The following TIAM2 variants were observed in gnomAD, a reference collection of about 807,000 sequenced individuals.
TIAM2 encodes the protein TIAM Rac1 associated GEF 2, also known as rho guanine nucleotide exchange factor TIAM2.
Under a neutral mutation model 152.9 loss-of-function variants are expected in TIAM2, and 80 were observed. That is an observed-to-expected ratio of 0.52 (90% confidence interval 0.44 to 0.63). The LOEUF (loss-of-function observed/expected upper bound fraction) is 0.63, where lower values mean the gene tolerates loss of function less well. Ranked by LOEUF, TIAM2 falls within the 30% of genes least tolerant of loss-of-function variation. TIAM2 has a pLI of 0.00. For missense variants in TIAM2, 1,965 were observed against 2,120.1 expected (o/e 0.93, Z 1.44); for synonymous variants, 804 against 838.0 (o/e 0.96, Z 0.70).
chr6:155,060,764 G>A (rs923522788), intron 1 of TIAM2, among the ~76,000 whole-genome samples: 12 of 151,980 alleles, frequency 7.9e-5, no homozygotes, highest in African/African-American at 2.7e-4. Flanking sequence ...GTGTGGTGGC[G>A]CATGCCTGTT....
chr6:155,058,346 GT>G (rs1310802977), intron 1 of TIAM2, among the ~76,000 whole-genome samples: 1 of 152,176 alleles, frequency 6.6e-6, no homozygotes, highest in Non-Finnish European at 1.5e-5. Context: ...TTAGTATATG[GT>G]TAGTTCCCCA....
chr6:155,211,171 A>C, intron 14 of TIAM2, 33 bp from the exon 15 acceptor site: 2 of 1,598,242 alleles, frequency 1.3e-6, no homozygotes, highest in Non-Finnish European at 1.7e-6. Flanking sequence ...CAAATGGCCA[A>C]ACTCATATAT....
chr6:155,194,425 G>C (rs1416764728), intron 14 of TIAM2, among the ~76,000 whole-genome samples: 3 of 152,170 alleles, frequency 2.0e-5, no homozygotes, highest in Non-Finnish European at 4.4e-5. Flanking sequence ...GTGCCAGCCA[G>C]GGAAGGGCAT....
chr6:155,097,914 T>C (rs111711999), intron 2 of TIAM2, among the ~76,000 whole-genome samples: 3,573 of 152,324 alleles, frequency 0.023, 157 homozygotes, highest in African/African-American at 0.082. Context: ...GAAGAGACTG[T>C]CCTTTCCCCA....
chr6:155,245,754 A>AGTTT, intron 19 of TIAM2, 23 bp downstream of exon 19: 1 of 562,928 alleles, frequency 1.8e-6, no homozygotes, highest in Non-Finnish European at 2.5e-6. Flanking sequence ...TGCCTTTTAT[A>AGTTT]GTTTTTTTTT....
chr6:155,245,715 G>C lies in TIAM2; in HGVS notation c.3636G>C (p.Gln1212His). The change falls in exon 19 of 27, where the codon CAG (glutamine) becomes CAC (histidine). Residue 1212 changes from glutamine (Q) to histidine (H), a missense_variant. Around this residue, in one of 3 missense-constraint regions of TIAM2, gnomAD observed 935 missense variants for 980.0 expected, o/e 0.95. Transcript: ENST00000682666. ...SGFCANHIKV[Q>H]KVLERAKTDK... The stretch of plus-strand genomic sequence containing the variant: ...TCTGTGCTAACCATATCAAAGTACA[G>C]AAGGTTCTGGAGCGAGGTAAGTTGC... The C allele has an allele frequency of 6.3e-7, 1 of 1,596,232 alleles. No individual in the cohort carries two copies. The highest frequency in any genetic ancestry group is 8.6e-7 in the Non-Finnish European group (1 of 1,167,144).
chr6:155,164,454 G>A lies in TIAM2; in HGVS notation c.2068G>A (p.Asp690Asn). ...GCAGAATCTTGAGAAATTTCACATGGATCTGTTCAGGATGCGCTGCTATCT... is the reference window on the plus strand; with the variant it reads ...GCAGAATCTTGAGAAATTTCACATGAATCTGTTCAGGATGCGCTGCTATCT... ...WEQNLEKFHMDLFRMRCYLAS... is the reference protein window; with the variant it reads ...WEQNLEKFHMNLFRMRCYLAS... The change falls in exon 8 of 27, where the codon GAT becomes AAT. Residue 690 changes from aspartate to asparagine, a missense_variant. By Grantham distance (23) the Asp-to-Asn change is conservative. This residue lies in a region of TIAM2 where 1,025 missense variants were observed against 1,119.4 expected (regional missense o/e 0.92). Transcript: ENST00000682666. 1 of 1,609,624 alleles carries A rather than the reference G, an allele frequency of 6.2e-7. No individual in the cohort carries two copies. The highest frequency in any genetic ancestry group is 8.5e-7 in the Non-Finnish European group (1 of 1,176,630).
intron 15 of TIAM2, among the ~76,000 whole-genome samples, chr6:155,226,409 C>G (rs1174751106): frequency 1.3e-5 from 2 of 152,176 alleles, no homozygotes; most frequent in Non-Finnish European, 2.9e-5. Flanking sequence ...GTGGCTCACG[C>G]CTGTAATCCC....
intron 1 of TIAM2, among the ~76,000 whole-genome samples, chr6:155,052,418 C>A (rs1777338365): frequency 6.6e-6 from 1 of 151,840 alleles, no homozygotes; most frequent in Non-Finnish European, 1.5e-5. Flanking sequence ...TCTTTGATAT[C>A]CTGATTATCT....
At chr6:155,171,135 T>G (rs1416735353) in intron 9 of TIAM2, among the ~76,000 whole-genome samples, 1 of 152,216 alleles carries the variant, frequency 6.6e-6, no homozygotes, top group Non-Finnish European at 1.5e-5. Flanking sequence ...AAGGCTGTTG[T>G]GAGGGAGGGG....
intron 1 of TIAM2, among the ~76,000 whole-genome samples, chr6:155,042,365 G>A (rs887403546): frequency 1.3e-5 from 2 of 152,128 alleles, no homozygotes; most frequent in African/African-American, 2.4e-5. Context: ...TAAGGCTGAG[G>A]CGGGCGGATC....
intron 1 of TIAM2, among the ~76,000 whole-genome samples, chr6:155,002,245 T>TA (rs1201149581): frequency 2.5e-4 from 38 of 151,866 alleles, no homozygotes; most frequent in African/African-American, 7.2e-4. Context: ...CCTGTCTCTG[T>TA]AAAAAAAATA....
chr6:155,191,119 G>A (rs527953725), intron 14 of TIAM2, among the ~76,000 whole-genome samples: 15 of 152,334 alleles, frequency 9.8e-5, no homozygotes, highest in African/African-American at 3.6e-4. Flanking sequence ...AATGCCAGCA[G>A]TGTAGAAGGG....
At chr6:155,009,626 T>G (rs1223598407) in intron 1 of TIAM2, among the ~76,000 whole-genome samples, 1 of 152,122 alleles carries the variant, frequency 6.6e-6, no homozygotes, top group East Asian at 1.9e-4. Context: ...GTGATTTTCT[T>G]GAAAATCAGA....
intron 2 of TIAM2, among the ~76,000 whole-genome samples, chr6:155,104,216 C>A (rs1335870214): frequency 6.6e-6 from 1 of 151,948 alleles, no homozygotes; most frequent in East Asian, 1.9e-4. Flanking sequence ...AGCTCTGTGA[C>A]CTTTTGCAAG....
chr6:155,068,190 C>T (rs964308580), intron 1 of TIAM2, among the ~76,000 whole-genome samples: 2 of 152,184 alleles, frequency 1.3e-5, no homozygotes, highest in African/African-American at 4.8e-5. Flanking sequence ...CTGGGCCCCT[C>T]TCCCTTCACA....
chr6:155,253,316 T>C (rs1024345732), intron 24 of TIAM2: 3 of 445,794 alleles, frequency 6.7e-6, no homozygotes, highest in East Asian at 3.6e-5. Context: ...TTTTCCTTTC[T>C]GCCTTGATAC....
Position 155,214,449 on chromosome 6 carries a change from T to A in TIAM2, c.3168+3142T>A, listed in dbSNP as rs192173321. 2.6e-3 allele frequency among the ~76,000 whole-genome samples: 398 copies of A among 152,320 alleles called. 11 individuals are homozygous for A. Among genetic ancestry groups the A allele is most frequent in the Non-Finnish European group, 7.4e-4 (50 of 68,018 alleles). ...GAAGCAGCTGGTTTGATGAAGCAGCTATGGGCTCTCAGCCTCCCCTCTCTT... is the reference window on the plus strand; with the variant it reads ...GAAGCAGCTGGTTTGATGAAGCAGCAATGGGCTCTCAGCCTCCCCTCTCTT... On this transcript the variant is annotated intron_variant, in intron 15 of 26. Transcript: ENST00000682666. This position sits in a 1 kb window ranked among gnomAD's most constrained non-coding sequence, Gnocchi z 5.4.
intron 14 of TIAM2, among the ~76,000 whole-genome samples, chr6:155,184,153 T>C (rs951592566): frequency 5.9e-5 from 9 of 152,128 alleles, no homozygotes; most frequent in African/African-American, 2.2e-4. Flanking sequence ...CATGCCTCGC[T>C]AATTTTTGCA....
Sources: allele counts gnomAD v4.1 joint callset (sites outside exome capture counted in the v4.1 genomes callset), GRCh38; gene constraint gnomAD v4.1.1; regional missense constraint gnomAD v4.1.1; non-coding constraint Gnocchi (gnomAD v3.1); transcripts MANE v1.5; gene names NCBI Gene and HGNC (gene_info 2026-07-23, HGNC 2026-07-21).